ZPBP: variants seen among roughly 807,000 people sequenced by gnomAD.
The protein encoded by ZPBP is zona pellucida binding protein, also known as zona pellucida-binding protein 1.
In ZPBP, 26 loss-of-function variants were observed where a neutral mutation model predicts 44.8. That is an observed-to-expected ratio of 0.58 (90% CI 0.43 to 0.81). ZPBP has a LOEUF of 0.81. ZPBP is among the 30% of genes least tolerant of loss of function. ZPBP has a pLI of 0.00. For missense variants in ZPBP, 409 were observed against 434.0 expected, an observed-to-expected ratio of 0.94 and a Z score of 0.51; for synonymous variants, 174 against 153.2, an observed-to-expected ratio of 1.14 and a Z score of -1.00.
At chr7:50,072,047 C>G (rs149084511) in intron 3 of ZPBP, among the ~76,000 whole-genome samples, 2 of 152,274 alleles carry the variant, frequency 1.3e-5, no homozygotes, top group Non-Finnish European at 1.5e-5. Context: ...TGGACACAGA[C>G]GGGGAGAGCA....
At position 50,025,476 on chromosome 7, in the gene ZPBP, C is replaced by T. The variant is rs567887019; in HGVS notation, c.706+5616G>A. On this transcript the variant is annotated intron_variant, in intron 5 of 7. Coordinates refer to ENST00000046087, the MANE Select transcript of ZPBP (RefSeq NM_007009.3). ...AGTGAACAGAAATCCCAGAAATATA[C>T]CCATGTTAATATATTCAACTGATCA... Among the ~76,000 whole-genome samples the T allele has an allele frequency of 5.3e-5, 8 of 151,782 alleles. No individual in the cohort carries two copies. In the South Asian group the frequency reaches 1.7e-3, roughly 31 times the overall value.
At chr7:49,881,189 G>A (rs1485462072) in intron 2 of ZPBP, among the ~76,000 whole-genome samples, 7 of 152,076 alleles carry the variant, frequency 4.6e-5, no homozygotes, top group African/African-American at 1.7e-4. Context: ...AGGTGAAGCT[G>A]ACTGAGCTTG....
chr7:50,036,591 C>T (rs61335727), intron 4 of ZPBP, among the ~76,000 whole-genome samples: 2,181 of 152,120 alleles, frequency 0.014, 61 homozygotes, highest in African/African-American at 0.05. Flanking sequence ...AAATCAACAA[C>T]AAAAATCCCT....
At chr7:50,081,710 C>A in intron 3 of ZPBP, 64 bp downstream of exon 3, 1 of 1,566,148 alleles carries the variant, frequency 6.4e-7, no homozygotes, top group South Asian at 1.1e-5. Flanking sequence ...TACAAACATT[C>A]TTTTTGTGTT....
At chr7:49,976,977 C>CG (rs1460924988) in intron 7 of ZPBP, among the ~76,000 whole-genome samples, 1 of 151,986 alleles carries the variant, frequency 6.6e-6, no homozygotes, top group Non-Finnish European at 1.5e-5. Flanking sequence ...TGGTGGGCGC[C>CG]TGTAGTCCCA....
At position 50,029,465 on chromosome 7, in the gene ZPBP, G is replaced by C. The variant is rs555819430; in HGVS notation, c.706+1627C>G. Among the ~76,000 whole-genome samples, 8 of 152,204 alleles carry C rather than the reference G, an allele frequency of 5.3e-5. No homozygotes were observed. The South Asian group carries it at 1.7e-3, about 32-fold the overall frequency. On this transcript the variant is annotated intron_variant, in intron 5 of 7. Transcript: ENST00000046087. ...GTACAAGAAACACAAGGAAAAAATA[G>C]GTAAATTGGACATCATCAAAATTAA...
At chr7:50,033,631 C>G (rs1799697589) in intron 4 of ZPBP, among the ~76,000 whole-genome samples, 1 of 152,004 alleles carries the variant, frequency 6.6e-6, no homozygotes, top group Non-Finnish European at 1.5e-5. Flanking sequence ...CCAGCAAAGC[C>G]AACTTTAAAA....
the ZPBP span, among the ~76,000 whole-genome samples, chr7:49,844,593 A>C: frequency 1.3e-5 from 2 of 152,242 alleles, no homozygotes; most frequent in African/African-American, 4.8e-5. Flanking sequence ...GCAGCATGGA[A>C]GATTGTGAGA....
intron 3 of ZPBP, among the ~76,000 whole-genome samples, chr7:50,081,401 T>C (rs1407062115): frequency 6.6e-6 from 1 of 151,408 alleles, no homozygotes; most frequent in Non-Finnish European, 1.5e-5. Flanking sequence ...TTTTATCCAA[T>C]CAAAAAATTA....
intron 2 of ZPBP, among the ~76,000 whole-genome samples, chr7:49,854,064 A>G (rs1178242058): frequency 6.6e-6 from 1 of 151,958 alleles, no homozygotes; most frequent in Non-Finnish European, 1.5e-5. Context: ...TTATGGCTGC[A>G]TAGTATTCCA....
chr7:49,868,620 T>C (rs1440640720), intron 2 of ZPBP, among the ~76,000 whole-genome samples: 2 of 151,822 alleles, frequency 1.3e-5, no homozygotes, highest in African/African-American at 2.4e-5. Flanking sequence ...ATGTAGGGAG[T>C]TTTTTGTTTT....
intron 3 of ZPBP, among the ~76,000 whole-genome samples, chr7:50,072,386 C>G (rs1329094316): frequency 6.6e-6 from 1 of 152,232 alleles, no homozygotes; most frequent in African/African-American, 2.4e-5. Flanking sequence ...GTCCCTGAAT[C>G]CCAGACAGCA....
intron 1 of ZPBP, chr7:49,918,654 A>C (rs1415412358): frequency 6.6e-6 from 1 of 152,236 alleles, no homozygotes; most frequent in African/African-American, 2.4e-5. Context: ...GCCATTTATT[A>C]GGTGATGATT....
chr7:49,905,873 G>C (rs890805283), intron 1 of ZPBP, among the ~76,000 whole-genome samples: 1 of 152,184 alleles, frequency 6.6e-6, no homozygotes, highest in Admixed American at 6.5e-5. Flanking sequence ...ATGGCCATGA[G>C]AGTGACCTCT....
intron 3 of ZPBP, among the ~76,000 whole-genome samples, chr7:50,063,850 C>T (rs944238590): frequency 7.2e-5 from 11 of 152,242 alleles, no homozygotes; most frequent in African/African-American, 2.4e-4. Flanking sequence ...AAATCTAGTG[C>T]CCTTGATGTT....
At chr7:49,857,427 T>C (rs2128718903) in intron 2 of ZPBP, among the ~76,000 whole-genome samples, 1 of 152,342 alleles carries the variant, frequency 6.6e-6, no homozygotes, top group East Asian at 1.9e-4. Context: ...CATTCATCCA[T>C]CTGTCCAGGG....
chr7:50,035,329 C>G (rs1440189704), intron 4 of ZPBP, among the ~76,000 whole-genome samples: 2 of 152,238 alleles, frequency 1.3e-5, no homozygotes, highest in Non-Finnish European at 2.9e-5. Flanking sequence ...AGTGTCTCAA[C>G]TAAGAAGTTA....
intron 6 of ZPBP, among the ~76,000 whole-genome samples, chr7:49,994,919 G>C (rs143697235): frequency 2.6e-5 from 4 of 152,190 alleles, no homozygotes; most frequent in African/African-American, 9.6e-5. Context: ...CCCAAATGAG[G>C]AATATGTTGC....
chr7:49,936,317 T>C (rs1183628319), downstream of ZPBP, among the ~76,000 whole-genome samples: 1 of 152,196 alleles, frequency 6.6e-6, no homozygotes, highest in Non-Finnish European at 1.5e-5. Context: ...TTAGAAAACA[T>C]TACCAGGGCT....
Sources: gnomAD v4.1 joint callset for allele counts (sites outside exome capture counted in the v4.1 genomes callset) on GRCh38, gnomAD v4.1.1 for gene constraint, MANE v1.5 for transcripts, NCBI Gene and HGNC (gene_info 2026-07-23, HGNC 2026-07-21) for gene names.